Variants in TRAK1 observed in about 807,000 individuals in gnomAD.
TRAK1 encodes trafficking kinesin protein 1, also known as trafficking kinesin-binding protein 1.
TRAK1 carries 33 observed loss-of-function variants against 92.1 expected under a neutral mutation model. The ratio of observed to expected loss-of-function variants is 0.36; its 90% CI spans 0.27 to 0.48. The LOEUF (loss-of-function observed/expected upper bound fraction) is 0.48, where lower values mean the gene tolerates loss of function less well. TRAK1 is among the 20% of genes least tolerant of loss of function. TRAK1 has a pLI of 0.99. For synonymous variants in TRAK1, 521 were observed against 517.3 expected, an observed-to-expected ratio of 1.01 and a Z score of -0.10; for missense variants, 1,123 against 1,257.9, an observed-to-expected ratio of 0.89 and a Z score of 1.62.
intron 1 of TRAK1, among the ~76,000 whole-genome samples, chr3:42,063,931 A>G (rs1439596110): frequency 6.6e-6 from 1 of 152,118 alleles, no homozygotes; most frequent in Non-Finnish European, 1.5e-5. Flanking sequence ...GTCTAAAGAG[A>G]TCTGTAATTT....
At chr3:42,137,496 TGGTC>T (rs761247894) in intron 2 of TRAK1, among the ~76,000 whole-genome samples, 8 of 152,238 alleles carry the variant, frequency 5.3e-5, no homozygotes, top group Non-Finnish European at 1.0e-4. Context: ...AAACAGGTAA[TGGTC>T]AGGAAGGTGA....
rs764350666 is a variant in TRAK1 at position 42,202,794 on chromosome 3, G to C, written c.1744+42G>C. ...TCGGCCCCTCTCTGTCCTCCTGGGG[G>C]ACTCCCTTTGGTCCCTGATCCACCT... On this transcript the variant is annotated intron_variant, in intron 13 of 15. Coordinates refer to ENST00000327628, the MANE Select transcript of TRAK1 (RefSeq NM_001042646.3). The surrounding 1 kb of genome is among the most constrained non-coding windows in gnomAD (Gnocchi z 6.1). The C allele has an allele frequency of 4.4e-6, 7 of 1,607,556 alleles. No individual in the cohort carries two copies. Among genetic ancestry groups the C allele is most frequent in the Non-Finnish European group, 6.0e-6 (7 of 1,175,526 alleles).
upstream of TRAK1, among the ~76,000 whole-genome samples, chr3:42,082,980 C>T (rs750945176): frequency 6.6e-6 from 1 of 152,192 alleles, no homozygotes; most frequent in Non-Finnish European, 1.5e-5. Context: ...ATTAATGACT[C>T]GATCCTCTGT....
At chr3:42,026,150 C>T (rs1228675038) in intron 1 of TRAK1, among the ~76,000 whole-genome samples, 1 of 152,020 alleles carries the variant, frequency 6.6e-6, no homozygotes, top group Non-Finnish European at 1.5e-5. Flanking sequence ...CCTTTGAGGC[C>T]CTTTTTATTT....
chr3:42,193,684 A>G, intron 8 of TRAK1, 140 bp from the exon 9 acceptor site: 2 of 940,060 alleles, frequency 2.1e-6, no homozygotes, highest in Non-Finnish European at 3.4e-6. Flanking sequence ...TCAAAATAAT[A>G]TAAAAAGCAG....
upstream of TRAK1, among the ~76,000 whole-genome samples, chr3:42,084,206 TTA>T (rs1481687442): frequency 3.3e-5 from 5 of 152,208 alleles, no homozygotes; most frequent in African/African-American, 1.2e-4. Flanking sequence ...GTGTGCCTTT[TTA>T]TCTTCTTGCT....
Position 42,223,494 on chromosome 3 carries a change from C to A in TRAK1, c.2619C>A (p.Leu873=). ...VPTLTEEQGP[L]LCGPPGPAPA... ...CCTTGACTGAGGAGCAGGGACCCCT[C>A]CTCTGTGGGCCCCCGGGGCCAGCAC... Residue 873 remains leucine, a synonymous_variant, in exon 16 of 16, where the codon CTC becomes CTA. Coordinates refer to ENST00000327628, the MANE Select transcript of TRAK1 (RefSeq NM_001042646.3). This position sits in a 1 kb window ranked among gnomAD's most constrained non-coding sequence, Gnocchi z 6.1. 6.2e-7 allele frequency: 1 copy of A among 1,613,726 alleles called. No individual in the cohort carries two copies. The highest frequency in any genetic ancestry group is 1.1e-5 in the South Asian group (1 of 91,084).
intron 1 of TRAK1, among the ~76,000 whole-genome samples, chr3:42,065,775 G>A (rs1013944027): frequency 5.3e-5 from 8 of 151,892 alleles, no homozygotes; most frequent in South Asian, 2.1e-4. Flanking sequence ...GACTATAGGC[G>A]TGTACCACCA....
chr3:42,140,892 G>C (rs917515489), intron 2 of TRAK1, among the ~76,000 whole-genome samples: 3 of 152,210 alleles, frequency 2.0e-5, no homozygotes, highest in Admixed American at 1.3e-4. Context: ...GGTTCCAGAG[G>C]GGGGTTGGGA....
chr3:42,160,541 G>T, intron 2 of TRAK1: 5 of 1,488,962 alleles, frequency 3.4e-6, no homozygotes, highest in Admixed American at 2.0e-5. Flanking sequence ...TGAATGTTTT[G>T]CTGATTTCAT....
intron 1 of TRAK1, among the ~76,000 whole-genome samples, chr3:42,050,010 T>C (rs1284564416): frequency 6.6e-6 from 1 of 152,176 alleles, no homozygotes. Context: ...GCAGGGCTTG[T>C]TGACAGTAGG....
chr3:42,113,831 T>C (rs1055629905), intron 1 of TRAK1, among the ~76,000 whole-genome samples: 1 of 152,212 alleles, frequency 6.6e-6, no homozygotes, highest in Non-Finnish European at 1.5e-5. Flanking sequence ...TGGGATTACA[T>C]ACGTGAGCCA....
rs1280765243 is a variant in TRAK1 at position 42,156,207 on chromosome 3, A to T, written c.287-20607A>T. Among the ~76,000 whole-genome samples the T allele has an allele frequency of 3.9e-5, 6 of 152,074 alleles. No individual in the cohort carries two copies. The East Asian group carries it at 9.6e-4, about 24-fold the overall frequency. On this transcript the variant is annotated intron_variant, in intron 2 of 15. Coordinates refer to ENST00000327628, the MANE Select transcript of TRAK1 (RefSeq NM_001042646.3). The stretch of plus-strand genomic sequence containing the variant: ...TCTTTGGGGGTTGTGTTTTGCTTTG[A>T]CTTTTGGAGAAACTACACTCTCAGG...
At chr3:42,195,703 C>T (rs1706512056) in intron 10 of TRAK1, among the ~76,000 whole-genome samples, 1 of 152,176 alleles carries the variant, frequency 6.6e-6, no homozygotes, top group South Asian at 2.1e-4. Flanking sequence ...ATAGCCACCA[C>T]CCCCTCTCCG....
At chr3:42,069,843 T>C (rs1703841107) in intron 1 of TRAK1, among the ~76,000 whole-genome samples, 1 of 152,166 alleles carries the variant, frequency 6.6e-6, no homozygotes, top group Non-Finnish European at 1.5e-5. Flanking sequence ...AGAAAATAAC[T>C]GAAGAAGTGG....
At chr3:42,130,590 C>A (rs1008454307) in intron 2 of TRAK1, among the ~76,000 whole-genome samples, 1 of 152,060 alleles carries the variant, frequency 6.6e-6, no homozygotes, top group African/African-American at 2.4e-5. Flanking sequence ...ATCTCCTGGA[C>A]TATTTATTTT....
intron 2 of TRAK1, among the ~76,000 whole-genome samples, chr3:42,129,472 C>T (rs1696917462): frequency 6.6e-6 from 1 of 152,134 alleles, no homozygotes; most frequent in Non-Finnish European, 1.5e-5. Flanking sequence ...AAATTTGGCC[C>T]TCACTTGACT....
At chr3:42,204,473 A>G (rs2149484794) in intron 13 of TRAK1, among the ~76,000 whole-genome samples, 2 of 152,368 alleles carry the variant, frequency 1.3e-5, no homozygotes, top group Admixed American at 1.3e-4. Flanking sequence ...CCAGGAGGCT[A>G]AAACAATACA....
intron 14 of TRAK1, among the ~76,000 whole-genome samples, chr3:42,213,614 G>A (rs1487165029): frequency 3.3e-5 from 5 of 152,218 alleles, no homozygotes; most frequent in Non-Finnish European, 5.9e-5. Flanking sequence ...AGCTTTGCCC[G>A]GGCGGGGCAG....
Sources: gnomAD v4.1 joint callset for allele counts (sites outside exome capture counted in the v4.1 genomes callset) on GRCh38, gnomAD v4.1.1 for gene constraint, Gnocchi (gnomAD v3.1) non-coding constraint, MANE v1.5 for transcripts, NCBI Gene and HGNC (gene_info 2026-07-23, HGNC 2026-07-21) for gene names.